Variants in CEP290 observed in about 807,000 individuals in gnomAD.
CEP290 encodes the protein centrosomal protein 290.
In CEP290, 317 loss-of-function variants were observed where a neutral mutation model predicts 344.9. That is an observed-to-expected ratio of 0.92 (90% confidence interval 0.84 to 1.01). The LOEUF (loss-of-function observed/expected upper bound fraction) is 1.01, where lower values mean the gene tolerates loss of function less well. CEP290 is among the 50% of genes least tolerant of loss of function. CEP290 has a pLI of 0.00. For missense variants in CEP290, 2,754 were observed against 2,761.4 expected, an observed-to-expected ratio of 1.00 and a Z score of 0.06; for synonymous variants, 932 against 895.8, an observed-to-expected ratio of 1.04 and a Z score of -0.72.
chr12:88,087,067 T>C (rs1371756905), intron 32 of CEP290, among the ~76,000 whole-genome samples: 2 of 152,114 alleles, frequency 1.3e-5, no homozygotes, highest in African/African-American at 4.8e-5. Context: ...ATACCAAAGG[T>C]ATCTAGGGTA....
intron 29 of CEP290, 37 bp downstream of exon 29, chr12:88,092,644 A>G (rs777646699): frequency 1.3e-6 from 2 of 1,569,526 alleles, no homozygotes; most frequent in Non-Finnish European, 1.7e-6. Context: ...AAGAAGATAC[A>G]TCTAGTCAAA....
chr12:88,061,273 TAA>T (rs1487045112), intron 46 of CEP290, among the ~76,000 whole-genome samples: 1 of 152,168 alleles, frequency 6.6e-6, no homozygotes, highest in East Asian at 1.9e-4. Context: ...TCAAAATGAT[TAA>T]GTCTAAATAG....
At chr12:88,121,290 T>TACAA in intron 13 of CEP290, 124 bp from the exon 14 acceptor site, 1 of 675,098 alleles carries the variant, frequency 1.5e-6, no homozygotes, top group Non-Finnish European at 2.4e-6. Flanking sequence ...GTTGTCATTT[T>TACAA]ATATTTGTAA....
At chr12:88,138,206 C>G (rs1180692285) in intron 5 of CEP290, among the ~76,000 whole-genome samples, 1 of 152,118 alleles carries the variant, frequency 6.6e-6, no homozygotes, top group African/African-American at 2.4e-5. Context: ...TCTGCCCACC[C>G]AACCCCAATC....
intron 44 of CEP290, among the ~76,000 whole-genome samples, chr12:88,067,386 T>A (rs2035019236): frequency 6.6e-6 from 1 of 152,156 alleles, no homozygotes; most frequent in African/African-American, 2.4e-5. Flanking sequence ...ATAAGAAAAT[T>A]CAGTTAACAA....
At chr12:88,060,718 T>C (rs1210105632) in intron 47 of CEP290, 112 bp downstream of exon 47, 3 of 728,764 alleles carry the variant, frequency 4.1e-6, no homozygotes, top group African/African-American at 1.8e-5. Context: ...ATAAAATATG[T>C]ATTGTATTCA....
rs1010711707 is a variant in CEP290 at position 88,136,853 on chromosome 12, C to T, written c.298-67G>A. The T allele has an allele frequency of 3.7e-6, 5 of 1,355,816 alleles. No homozygotes were observed. In the Admixed American group the frequency reaches 5.7e-5, roughly 15 times the overall value. The allele number at this position is 1,355,816 out of a possible 1,614,324, so 84.0% of individuals were successfully genotyped here. ...TTTTGAGGTTCAAATGAGTCAACAA[C>T]AAGCAAATAATTATGCTGAATTTAA... On this transcript the variant is annotated intron_variant, in intron 5 of 53. Coordinates refer to ENST00000552810, the MANE Select transcript of CEP290 (RefSeq NM_025114.4).
In CEP290 at chr12:88,083,099, T is replaced by G; in HGVS notation, c.4944A>C (p.Ser1648=). The change falls in exon 37 of 54, where the codon TCA becomes TCC. Residue 1648 remains serine (S), a synonymous_variant. Transcript: ENST00000552810. ...SSLLVKLKKV[S]QDLERQREIT... is the part of the protein sequence containing the mutation. ...TTTCTCTTTGTCTCTCCAAATCTTG[T>G]GATACTTTCTTTAGTTTGACCAAGA... 1 of 1,539,412 alleles carries G rather than the reference T, an allele frequency of 6.5e-7. No homozygotes were observed. Among genetic ancestry groups the G allele is most frequent in the Non-Finnish European group, 8.8e-7 (1 of 1,141,776 alleles).
In CEP290 at chr12:88,136,717, GT is replaced by G; in HGVS notation, c.366del (p.Lys122AsnfsTer3). Reference sequence around the variant, plus strand: ...AATTCTCTATCTTTTTGTTCTAATTGTTTTTCAAGTTGGCAAATTTCATTAC... The same window carrying G: ...AATTCTCTATCTTTTTGTTCTAATTGTTTTCAAGTTGGCAAATTTCATTAC... ...FLRNEICQLE[K>X]QLEQKDRELE... is the part of the protein sequence containing the mutation. On this transcript the variant is annotated frameshift_variant, in exon 6 of 54. Transcript: ENST00000552810. LOFTEE classifies it high-confidence loss of function. 6.2e-7 allele frequency: 1 copy of G among 1,613,414 alleles called. No homozygotes were observed. Among genetic ancestry groups the G allele is most frequent in the Non-Finnish European group, 8.5e-7 (1 of 1,179,634 alleles).
intron 37 of CEP290, 85 bp downstream of exon 37, chr12:88,082,946 G>A: frequency 1.3e-6 from 1 of 760,694 alleles, no homozygotes; most frequent in Non-Finnish European, 2.1e-6. Flanking sequence ...TCTTAGAACA[G>A]TGCCTGGCAT....
At position 88,050,431 on chromosome 12, in the gene CEP290, C is replaced by A. The variant is rs774601803; in HGVS notation, c.7132G>T (p.Ala2378Ser). 3 of 1,509,530 alleles carry A rather than the reference C, an allele frequency of 2.0e-6. No homozygotes were observed. In the African/African-American group the frequency reaches 4.2e-5, roughly 21 times the overall value. 93.5% of individuals were successfully genotyped at this position (1,509,530 alleles called of 1,614,324 possible). The change falls in exon 53 of 54, where the codon GCT (alanine) becomes TCT (serine). Residue 2378 changes from alanine to serine, a missense_variant and splice_region_variant. Physicochemically the swap from Ala to Ser is moderately conservative, Grantham distance 99. Coordinates refer to ENST00000552810, the MANE Select transcript of CEP290 (RefSeq NM_025114.4). ...TTTATTTTTTCCTTTAGTTGATCAG[C>A]ATCTGTTGAAAAAGTCATACAAATT... ...QSGAESTIPD[A>S]DQLKEKIKDL...
intron 5 of CEP290, 55 bp downstream of exon 5, chr12:88,139,090 C>A: frequency 2.2e-6 from 2 of 889,300 alleles, no homozygotes; most frequent in Non-Finnish European, 3.5e-6. Context: ...AATTTGAAAA[C>A]AATTCAAAAT....
At chr12:88,072,930 G>A (rs567609297) in intron 41 of CEP290, among the ~76,000 whole-genome samples, 2 of 151,974 alleles carry the variant, frequency 1.3e-5, no homozygotes, top group Non-Finnish European at 2.9e-5. Flanking sequence ...AGTTTTAAGT[G>A]CTAAAAAGAA....
intron 13 of CEP290, among the ~76,000 whole-genome samples, chr12:88,123,570 G>A (rs2039546170): frequency 6.6e-6 from 1 of 151,812 alleles, no homozygotes; most frequent in Non-Finnish European, 1.5e-5. Context: ...TAGCTCTCTG[G>A]GCTTTCCTTT....
intron 25 of CEP290, among the ~76,000 whole-genome samples, chr12:88,106,457 T>C (rs1396257195): frequency 2.0e-5 from 3 of 152,162 alleles, no homozygotes; most frequent in African/African-American, 4.8e-5. Flanking sequence ...CTATGGTTAG[T>C]TAAAGAAAAA....
Position 88,071,882 on chromosome 12 carries a change from C to A in CEP290, c.5754G>T (p.Trp1918Cys). 1 of 1,601,682 alleles carries A rather than the reference C, an allele frequency of 6.2e-7. No homozygotes were observed. The highest frequency in any genetic ancestry group is 8.5e-7 in the Non-Finnish European group (1 of 1,175,054). Residue 1918 changes from tryptophan (W) to cysteine (C), a missense_variant, in exon 42 of 54, where the codon TGG becomes TGT. Physicochemically the swap from Trp to Cys is radical, Grantham distance 215. Coordinates refer to ENST00000552810, the MANE Select transcript of CEP290 (RefSeq NM_025114.4). ...TTCGAATTCCTTCTATTTTGGCTTG[C>A]CACTTTTTACCTTCTTCCCACCTAA... Reference protein sequence around the residue: ...ELIRWEEGKKWQAKIEGIRNK... With the variant: ...ELIRWEEGKKCQAKIEGIRNK...
intron 9 of CEP290, 88 bp from the exon 10 acceptor site, chr12:88,129,964 G>T: frequency 1.2e-6 from 1 of 842,876 alleles, no homozygotes; most frequent in Non-Finnish European, 1.7e-6. Context: ...AGCCATAAGT[G>T]TCCTCTAGAA....
In CEP290 at chr12:88,121,104, C is replaced by T. The variant is rs1348304576; in HGVS notation, c.1252G>A (p.Glu418Lys). Residue 418 changes from glutamate to lysine, a missense_variant, in exon 14 of 54, where the codon GAG becomes AAG. By Grantham distance (56) the Glu-to-Lys change is moderately conservative. Transcript: ENST00000552810. ...GTTCTCTCAGCCTCTTTAGTTTTCT[C>T]TTTTAAAATGTCTAACGTTGACTGA... ...KIQSTLDILK[E>K]KTKEAERTAE... 1.9e-6 allele frequency: 3 copies of T among 1,613,430 alleles called. No homozygotes were observed. The highest frequency in any genetic ancestry group is 2.5e-6 in the Non-Finnish European group (3 of 1,179,654).
intron 29 of CEP290, 105 bp from the exon 30 acceptor site, chr12:88,090,944 C>A: frequency 1.7e-6 from 1 of 604,924 alleles, no homozygotes; most frequent in African/African-American, 1.9e-5. Flanking sequence ...TCGTTTTCAG[C>A]ATCTATCTCT....
Sources: gnomAD v4.1 joint callset for allele counts (sites outside exome capture counted in the v4.1 genomes callset) on GRCh38, gnomAD v4.1.1 for gene constraint, MANE v1.5 for transcripts, NCBI Gene and HGNC (gene_info 2026-07-23, HGNC 2026-07-21) for gene names.